The following PPP1R3B variants were observed in gnomAD, a reference collection of about 807,000 sequenced individuals.
PPP1R3B encodes PP1 subunit R4.
Under a neutral mutation model 14.6 loss-of-function variants are expected in PPP1R3B, and 8 were observed. The ratio of observed to expected loss-of-function variants is 0.55; its 90% CI spans 0.32 to 0.99. The LOEUF (loss-of-function observed/expected upper bound fraction) is 0.99, where lower values mean the gene tolerates loss of function less well. Among genes scored for constraint, PPP1R3B ranks in the 50% least tolerant of loss-of-function variants. PPP1R3B has a pLI of 0.04. For missense variants in PPP1R3B, 452 were observed against 360.1 expected, an observed-to-expected ratio of 1.26 and a Z score of -2.07; for synonymous variants, 169 against 142.0, an observed-to-expected ratio of 1.19 and a Z score of -1.35.
At chr8:9,150,047 A>G (rs1801371357) in intron 1 of PPP1R3B, among the ~76,000 whole-genome samples, 1 of 152,046 alleles carries the variant, frequency 6.6e-6, no homozygotes, top group African/African-American at 2.4e-5. Context: ...TCTTCCCACT[A>G]ACTTTTTTTC....
In PPP1R3B at chr8:9,141,593, T is replaced by C. The variant is rs1300262825; in HGVS notation, c.59A>G (p.Glu20Gly). The change falls in exon 2 of 2, where the codon GAG becomes GGG. Residue 20 changes from glutamate to glycine, a missense_variant. By Grantham distance (98) the Glu-to-Gly change is moderately conservative. Transcript: ENST00000310455. ...YNCMAPSLRQ[E>G]RFAFKISPKP... is the part of the protein sequence containing the mutation. ...TGGTGAGATCTTAAAGGCAAACCTC[T>C]CTTGGCGCAAGGAAGGAGCCATGCA... The C allele has an allele frequency of 1.2e-6, 2 of 1,614,062 alleles. No individual in the cohort carries two copies. The highest frequency in any genetic ancestry group is 2.2e-5 in the South Asian group (2 of 91,078).
intron 1 of PPP1R3B, among the ~76,000 whole-genome samples, chr8:9,149,464 A>G (rs535678652): frequency 3.9e-5 from 6 of 152,228 alleles, no homozygotes; most frequent in Non-Finnish European, 5.9e-5. Flanking sequence ...AGATGGCGCC[A>G]CTGCACTCCA....
At chr8:9,143,433 T>C (rs1801149029) in intron 1 of PPP1R3B, among the ~76,000 whole-genome samples, 1 of 152,188 alleles carries the variant, frequency 6.6e-6, no homozygotes, top group East Asian at 1.9e-4. Context: ...GCCTGGGCGG[T>C]GGCTCACGCC....
In PPP1R3B at chr8:9,141,599, C is replaced by G; in HGVS notation, c.53G>C (p.Arg18Pro). 1.2e-6 allele frequency: 2 copies of G among 1,613,922 alleles called. No homozygotes were observed. The highest frequency in any genetic ancestry group is 1.7e-6 in the Non-Finnish European group (2 of 1,180,004). The change falls in exon 2 of 2, where the codon CGC becomes CCC. Residue 18 changes from arginine (R) to proline (P), a missense_variant. Arg to Pro is a moderately radical substitution (Grantham distance 103). Coordinates refer to ENST00000310455, the MANE Select transcript of PPP1R3B (RefSeq NM_024607.4). ...YRYNCMAPSL[R>P]QERFAFKISP... ...GATCTTAAAGGCAAACCTCTCTTGG[C>G]GCAAGGAAGGAGCCATGCAGTTGTA...
chr8:9,136,979 T>C lies in PPP1R3B; in HGVS notation c.*3815A>G, dbSNP rs1317602151. 2 of 152,168 alleles carry C rather than the reference T, an allele frequency of 1.3e-5. No individual in the cohort carries two copies. Among genetic ancestry groups the C allele is most frequent in the Non-Finnish European group, 2.9e-5 (2 of 68,024 alleles). 9.4% of individuals were successfully genotyped at this position (152,168 alleles called of 1,614,324 possible). ...CTAATGCCTTTTTTCAAAAAGAAAA[T>C]GGTTTGAAAAGATCAAAACCACAGA... is the stretch of plus-strand genomic sequence containing the variant. On this transcript the variant is annotated 3_prime_UTR_variant, in exon 2 of 2. Transcript: ENST00000310455.
chr8:9,143,735 T>C (rs923618405), intron 1 of PPP1R3B, among the ~76,000 whole-genome samples: 2 of 152,150 alleles, frequency 1.3e-5, no homozygotes, highest in African/African-American at 4.8e-5. Context: ...CAACCAGCAA[T>C]TTCGTATTCT....
chr8:9,146,491 A>T (rs1233338212), intron 1 of PPP1R3B, among the ~76,000 whole-genome samples: 1 of 151,874 alleles, frequency 6.6e-6, no homozygotes, highest in East Asian at 1.9e-4. Context: ...TGATTAACCA[A>T]ACATGTAAAG....
Position 9,140,588 on chromosome 8 carries a change from C to A in PPP1R3B, c.*206G>T, listed in dbSNP as rs941773725. 2.0e-5 allele frequency: 12 copies of A among 613,728 alleles called. No homozygotes were observed. The African/African-American group carries it at 2.2e-4, about 11-fold the overall frequency. 38.0% of individuals were successfully genotyped at this position (613,728 alleles called of 1,614,324 possible). On this transcript the variant is annotated 3_prime_UTR_variant, in exon 2 of 2. Coordinates refer to ENST00000310455, the MANE Select transcript of PPP1R3B (RefSeq NM_024607.4). ...TGCGAAAGCGCGCCAGCCACCACTG[C>A]TCCTTTGAGTGAGACACTGGTTGTG...
chr8:9,147,897 C>A (rs1473138548), intron 1 of PPP1R3B, among the ~76,000 whole-genome samples: 1 of 152,100 alleles, frequency 6.6e-6, no homozygotes, highest in Non-Finnish European at 1.5e-5. Flanking sequence ...GGACTACTAC[C>A]CCAGGGACAT....
rs908154487 is a variant in PPP1R3B at position 9,136,502 on chromosome 8, C to G, written c.*4292G>C. 1.3e-5 allele frequency: 2 copies of G among 152,216 alleles called. No homozygotes were observed. The allele number at this position is 152,216 out of a possible 1,614,324, so 9.4% of individuals were successfully genotyped here. ...AGTGAAACATCATCACAGCTGCACT[C>G]TCAAAGCCCTCAGAGGTCCAGCAGT... On this transcript the variant is annotated 3_prime_UTR_variant, in exon 2 of 2. Transcript: ENST00000310455.
At chr8:9,143,064 G>T (rs1375062739) in intron 1 of PPP1R3B, among the ~76,000 whole-genome samples, 3 of 152,130 alleles carry the variant, frequency 2.0e-5, no homozygotes, top group Non-Finnish European at 2.9e-5. Flanking sequence ...TCTAGTTGTG[G>T]TTTTTTGAGG....
chr8:9,146,363 C>T (rs917968570), intron 1 of PPP1R3B, among the ~76,000 whole-genome samples: 1 of 152,168 alleles, frequency 6.6e-6, no homozygotes, highest in Admixed American at 6.5e-5. Context: ...GGAGCTCACT[C>T]TCAAGCAGCC....
intron 1 of PPP1R3B, among the ~76,000 whole-genome samples, chr8:9,146,857 TA>T (rs942129511): frequency 8.2e-4 from 123 of 150,342 alleles, no homozygotes; most frequent in Non-Finnish European, 1.5e-3. Context: ...AGGTTCAATG[TA>T]AAAAAAAAAT....
rs1031793836 is a variant in PPP1R3B at position 9,140,509 on chromosome 8, C to G, written c.*285G>C. On this transcript the variant is annotated 3_prime_UTR_variant, in exon 2 of 2. Coordinates refer to ENST00000310455, the MANE Select transcript of PPP1R3B (RefSeq NM_024607.4). Reference sequence around the variant, plus strand: ...CATCAGCACTGGCATAGGCTTGATTCCCATCCATACCCTTTCCAGCACAGA... The same window carrying G: ...CATCAGCACTGGCATAGGCTTGATTGCCATCCATACCCTTTCCAGCACAGA... 3 of 461,844 alleles carry G rather than the reference C, an allele frequency of 6.5e-6. No individual in the cohort carries two copies. In the East Asian group the frequency reaches 1.2e-4, roughly 18 times the overall value. The allele number at this position is 461,844 out of a possible 1,614,324, so 28.6% of individuals were successfully genotyped here. A position where few individuals can be genotyped will look rare whatever the true frequency, so the allele number is the denominator to read the frequency against.
intron 1 of PPP1R3B, among the ~76,000 whole-genome samples, chr8:9,146,253 T>C (rs996063475): frequency 2.6e-5 from 4 of 152,204 alleles, no homozygotes; most frequent in Non-Finnish European, 5.9e-5. Flanking sequence ...AGTCTGAGAA[T>C]CACAGAACAC....
intron 1 of PPP1R3B, among the ~76,000 whole-genome samples, chr8:9,148,921 C>A (rs972822857): frequency 6.6e-6 from 1 of 152,190 alleles, no homozygotes; most frequent in African/African-American, 2.4e-5. Flanking sequence ...GGCGTGGTGG[C>A]TCACGCCTGT....
In PPP1R3B at chr8:9,140,788, C is replaced by T. The variant is rs1378317560; in HGVS notation, c.*6G>A. The T allele has an allele frequency of 1.9e-6, 3 of 1,612,836 alleles. No homozygotes were observed. The highest frequency in any genetic ancestry group is 4.5e-5 in the East Asian group (2 of 44,866). On this transcript the variant is annotated 3_prime_UTR_variant, in exon 2 of 2. Transcript: ENST00000310455. ...CAGCTCCGCCACGCCCTGTCACCTGCAGTCACTAGTAGTAGGGCCCTAGCT... is the reference window on the plus strand; with the variant it reads ...CAGCTCCGCCACGCCCTGTCACCTGTAGTCACTAGTAGTAGGGCCCTAGCT...
Position 9,141,518 on chromosome 8 carries a change from T to A in PPP1R3B, c.134A>T (p.Glu45Val), listed in dbSNP as rs779665255. ...RPCIQLSSKN[E>V]ASGMVAPAVQ... ...AGCCGGGGCCACCATTCCACTGGCTTCATTCTTGCTGCTCAGCTGAATACA... is the reference window on the plus strand; with the variant it reads ...AGCCGGGGCCACCATTCCACTGGCTACATTCTTGCTGCTCAGCTGAATACA... The change falls in exon 2 of 2, where the codon GAA (glutamate) becomes GTA (valine). Residue 45 changes from glutamate to valine, a missense_variant. Glu to Val is a moderately radical substitution (Grantham distance 121, BLOSUM62 -2). Coordinates refer to ENST00000310455, the MANE Select transcript of PPP1R3B (RefSeq NM_024607.4). 1 of 1,614,180 alleles carries A rather than the reference T, an allele frequency of 6.2e-7. No individual in the cohort carries two copies. The highest frequency in any genetic ancestry group is 8.5e-7 in the Non-Finnish European group (1 of 1,180,036).
chr8:9,151,123 G>A (rs1332408599), upstream of PPP1R3B, among the ~76,000 whole-genome samples: 1 of 152,146 alleles, frequency 6.6e-6, no homozygotes, highest in African/African-American at 2.4e-5. Flanking sequence ...TGGAGCACGT[G>A]GGCCCGGGAG....
Sources: allele counts gnomAD v4.1 joint callset (sites outside exome capture counted in the v4.1 genomes callset), GRCh38; gene constraint gnomAD v4.1.1; transcripts MANE v1.5; gene names NCBI Gene and HGNC (gene_info 2026-07-23, HGNC 2026-07-21).